The following TPM3 variants were observed in gnomAD, a reference collection of about 807,000 sequenced individuals.
TPM3 encodes the protein tropomyosin 3, also known as tropomyosin alpha-3 chain.
Under a neutral mutation model 43.1 loss-of-function variants are expected in TPM3, and 16 were observed. The ratio of observed to expected loss-of-function variants is 0.37; its 90% CI spans 0.25 to 0.56. The LOEUF is 0.56. Among genes scored for constraint, TPM3 ranks in the 20% least tolerant of loss-of-function variants. The pLI, the probability that TPM3 is intolerant of heterozygous loss-of-function variation, is 0.77. For synonymous variants in TPM3, 101 were observed against 116.9 expected (o/e 0.86, Z 0.88); for missense variants, 176 against 337.2 (o/e 0.52, Z 3.74).
rs58289686 is a variant in TPM3 at position 154,162,364 on chromosome 1, C to CAA, written c.*5571_*5572dup. Among the ~76,000 whole-genome samples, 1,413 of 74,740 alleles carry CAA rather than the reference C, an allele frequency of 0.019. 38 individuals carry two copies. The highest frequency in any genetic ancestry group is 0.039 in the Middle Eastern group (5 of 128). 49.0% of individuals were successfully genotyped at this position (74,740 alleles called of 152,430 possible). A position where few individuals can be genotyped will look rare whatever the true frequency, so the allele number is the denominator to read the frequency against. ...TGGGCAACAGAGCAAGACTCCGTCT[C>CAA]AAAAAAAAAAAAAAAAAAAAACACA... is the stretch of plus-strand genomic sequence containing the variant. On this transcript the variant is annotated 3_prime_UTR_variant, in exon 10 of 10. Transcript: ENST00000651641.
chr1:154,169,734 G>A (rs1044759454), intron 8 of TPM3: 6 of 393,742 alleles, frequency 1.5e-5, no homozygotes, highest in Admixed American at 1.1e-4. Context: ...ATAGCAAAGG[G>A]AGAGAGTATA....
intron 2 of TPM3, chr1:154,187,520 A>G (rs771900446): frequency 2.0e-6 from 2 of 984,504 alleles, no homozygotes; most frequent in Non-Finnish European, 2.4e-6. Flanking sequence ...GTGGATTCCT[A>G]TGTAAATATG....
At chr1:154,174,366 G>GTGTA (rs1661976024) in intron 3 of TPM3, among the ~76,000 whole-genome samples, 3 of 14,976 alleles carry the variant, frequency 2.0e-4, no homozygotes, top group Non-Finnish European at 3.0e-4. Flanking sequence ...TTAAATATAT[G>GTGTA]TGTATATATA....
At chr1:154,170,103 AAAGGTTT>A (rs1453565506) in intron 8 of TPM3, 2 of 404,634 alleles carry the variant, frequency 4.9e-6, no homozygotes, top group Non-Finnish European at 9.2e-6. Context: ...CCCACAGACT[AAAGGTTT>A]AAGACTAATA....
downstream of TPM3, chr1:154,155,310 T>TA (rs142425265): frequency 1.2e-4 from 54 of 463,162 alleles, no homozygotes; most frequent in African/African-American, 2.0e-4. Context: ...CAGAAAAGTC[T>TA]AAAAAAAACC....
chr1:154,183,479 C>A, intron 2 of TPM3: 1 of 464,902 alleles, frequency 2.2e-6, no homozygotes, highest in South Asian at 2.1e-5. Flanking sequence ...ATGGTTGGCC[C>A]CTTTGCAGGT....
At chr1:154,186,462 G>A (rs1364426466) in intron 2 of TPM3, among the ~76,000 whole-genome samples, 1 of 151,498 alleles carries the variant, frequency 6.6e-6, no homozygotes, top group Non-Finnish European at 1.5e-5. Flanking sequence ...AGACAGCAAG[G>A]GGCCCAGTGC....
At chr1:154,184,889 G>C (rs1401134290) in intron 2 of TPM3, among the ~76,000 whole-genome samples, 1 of 151,844 alleles carries the variant, frequency 6.6e-6, no homozygotes, top group Non-Finnish European at 1.5e-5. Flanking sequence ...CTCCAGTCTG[G>C]GTGACAGATT....
intron 2 of TPM3, among the ~76,000 whole-genome samples, chr1:154,182,406 G>A (rs1663059571): frequency 6.6e-6 from 1 of 152,236 alleles, no homozygotes; most frequent in Non-Finnish European, 1.5e-5. Context: ...AGCTCCTCCA[G>A]GGAGGGAGGG....
intron 2 of TPM3, 141 bp from the exon 3 acceptor site, chr1:154,176,389 A>G (rs1393090541): frequency 1.8e-5 from 21 of 1,182,684 alleles, no homozygotes; most frequent in Non-Finnish European, 2.4e-5. Context: ...CAGCTGTTAA[A>G]AGATCTAGCA....
At chr1:154,169,992 T>C (rs977547233) in intron 8 of TPM3, 1 of 273,730 alleles carries the variant, frequency 3.7e-6, no homozygotes. Context: ...ACTTCATTTA[T>C]TGGATAAATA....
downstream of TPM3, chr1:154,156,562 G>C: frequency 5.0e-6 from 1 of 202,014 alleles, no homozygotes; most frequent in Non-Finnish European, 1.0e-5. Context: ...GACTGGGTAG[G>C]GAAGGAAACT....
At chr1:154,161,272 G>A (rs543686878), downstream of TPM3, among the ~76,000 whole-genome samples, 32 of 151,736 alleles carry the variant, frequency 2.1e-4, 1 homozygote, top group Admixed American at 7.2e-4. Flanking sequence ...TCACTGGGGC[G>A]TCCTTGTCAA....
In TPM3 at chr1:154,165,192, G is replaced by C. The variant is rs1439552584; in HGVS notation, c.*2745C>G. 6.6e-6 allele frequency among the ~76,000 whole-genome samples: 1 copy of C among 151,974 alleles called. No homozygotes were observed. Among genetic ancestry groups the C allele is most frequent in the Non-Finnish European group, 1.5e-5 (1 of 68,004 alleles). ...AGGTCAGGAGTTCGCGACCAGCCTG[G>C]CCAACATGCTGAAACCCCGTCCGTA... is the stretch of plus-strand genomic sequence containing the variant. On this transcript the variant is annotated 3_prime_UTR_variant, in exon 10 of 10. Transcript: ENST00000651641.
chr1:154,183,424 C>A (rs1663208395), intron 2 of TPM3, among the ~76,000 whole-genome samples: 1 of 152,114 alleles, frequency 6.6e-6, no homozygotes, highest in African/African-American at 2.4e-5. Context: ...GGTAACTGGG[C>A]GGCGCTTCGT....
intron 2 of TPM3, chr1:154,182,963 C>G: frequency 6.2e-7 from 1 of 1,610,680 alleles, no homozygotes; most frequent in Non-Finnish European, 8.5e-7. Flanking sequence ...CTGCCCCTCC[C>G]TCATGAGCCT....
chr1:154,176,032 T>C (rs1459131955), intron 3 of TPM3, 83 bp downstream of exon 3: 1 of 1,603,928 alleles, frequency 6.2e-7, no homozygotes. Flanking sequence ...AATTGCTATT[T>C]AGAAAACAGG....
rs747123848 is a variant in TPM3, at chr1:154,172,332, G to A, written c.566+576C>T. 13 of 694,674 alleles carry A rather than the reference G, an allele frequency of 1.9e-5. No homozygotes were observed. In the South Asian group the frequency reaches 1.9e-4, roughly 10 times the overall value. 43.0% of individuals were successfully genotyped at this position (694,674 alleles called of 1,614,324 possible). ...TGACTTTGTTAATCAAGGCCCAGAA[G>A]GTACCGACGGGAGAGCAGTTAATAT... On this transcript the variant is annotated intron_variant, in intron 5 of 9. Coordinates refer to ENST00000651641, the MANE Select transcript of TPM3 (RefSeq NM_152263.4).
chr1:154,191,508 T>C, intron 1 of TPM3, 197 bp from the exon 2 acceptor site: 1 of 1,299,226 alleles, frequency 7.7e-7, no homozygotes, highest in Non-Finnish European at 1.0e-6. Flanking sequence ...TCTCTGATCC[T>C]AAGATGACCA....
Sources: allele counts gnomAD v4.1 joint callset (sites outside exome capture counted in the v4.1 genomes callset), GRCh38; gene constraint gnomAD v4.1.1; transcripts MANE v1.5; gene names NCBI Gene and HGNC (gene_info 2026-07-23, HGNC 2026-07-21).